The following NALF1 variants were observed in gnomAD, a reference collection of about 807,000 sequenced individuals.
The protein encoded by NALF1 is family with sequence similarity 155 member A.
A neutral mutation model predicts 48.4 loss-of-function variants in NALF1; 3 were observed. The observed-to-expected ratio is 0.06, with a 90% CI of 0.03 to 0.16. The LOEUF (loss-of-function observed/expected upper bound fraction) is 0.16. NALF1 is among the 10% of genes least tolerant of loss of function. The probability of loss-of-function intolerance (pLI) is 1.00; values close to 1 mark genes in which losing one functional copy is unlikely to be tolerated. For missense variants in NALF1, 526 were observed against 571.5 expected (o/e 0.92, Z 0.81); for synonymous variants, 262 against 245.7 (o/e 1.07, Z -0.62).
At chr13:107,218,693 C>T (rs1007278388) in intron 1 of NALF1, among the ~76,000 whole-genome samples, 5 of 152,190 alleles carry the variant, frequency 3.3e-5, no homozygotes, top group Admixed American at 2.6e-4. Context: ...ACCTCTCCTT[C>T]CAAAAAGACC....
At chr13:107,177,549 T>C (rs552522380) in intron 2 of NALF1, among the ~76,000 whole-genome samples, 2 of 151,862 alleles carry the variant, frequency 1.3e-5, no homozygotes, top group East Asian at 3.9e-4. Context: ...CAAAGACACA[T>C]AGACCAATGG....
At chr13:107,526,221 T>A (rs773049731) in intron 1 of NALF1, among the ~76,000 whole-genome samples, 3 of 152,138 alleles carry the variant, frequency 2.0e-5, no homozygotes, top group African/African-American at 7.2e-5. Context: ...CATGAGCATC[T>A]GTATGTTCAG....
intron 1 of NALF1, among the ~76,000 whole-genome samples, chr13:107,631,866 A>C (rs1879844329): frequency 6.6e-6 from 1 of 152,150 alleles, no homozygotes; most frequent in Non-Finnish European, 1.5e-5. Flanking sequence ...GAAAAACATC[A>C]GTTAAGCCAC....
chr13:107,327,568 G>T (rs1157161855), intron 1 of NALF1, among the ~76,000 whole-genome samples: 1 of 152,084 alleles, frequency 6.6e-6, no homozygotes, highest in East Asian at 1.9e-4. Flanking sequence ...CCTAGATATG[G>T]TAATTTATCT....
At chr13:107,186,444 G>A (rs1449809397) in intron 2 of NALF1, among the ~76,000 whole-genome samples, 2 of 152,032 alleles carry the variant, frequency 1.3e-5, no homozygotes, top group African/African-American at 2.4e-5. Context: ...CGCGGCTCAC[G>A]GCAACCTCTG....
At chr13:107,801,746 T>C (rs1201854934) in intron 1 of NALF1, among the ~76,000 whole-genome samples, 1 of 152,178 alleles carries the variant, frequency 6.6e-6, no homozygotes, top group African/African-American at 2.4e-5. Context: ...ATTTCAAAAA[T>C]GTTTCACCAG....
chr13:107,430,323 G>A lies in NALF1; in HGVS notation c.916-219568C>T, dbSNP rs191513649. 8.5e-4 allele frequency among the ~76,000 whole-genome samples: 129 copies of A among 151,188 alleles called. 1 individual carries two copies. The highest frequency in any genetic ancestry group is 6.8e-3 in the Middle Eastern group (2 of 294). Reference sequence around the variant, plus strand: ...TTATTATTATACTTTAAGTTTTAGCGTACATGTGCACAACATGCAGGTTTG... The same window carrying A: ...TTATTATTATACTTTAAGTTTTAGCATACATGTGCACAACATGCAGGTTTG... On this transcript the variant is annotated intron_variant, in intron 1 of 2. Coordinates refer to ENST00000375915, the MANE Select transcript of NALF1 (RefSeq NM_001080396.3).
intron 1 of NALF1, among the ~76,000 whole-genome samples, chr13:107,286,601 A>AG (rs199721737): frequency 0.096 from 14,050 of 146,882 alleles, 867 homozygotes; most frequent in East Asian, 0.3. Flanking sequence ...AAAAAAAAAA[A>AG]AAAGAAAGAA....
intron 2 of NALF1, among the ~76,000 whole-genome samples, chr13:107,179,044 AAG>A: frequency 6.6e-6 from 1 of 152,302 alleles, no homozygotes; most frequent in East Asian, 1.9e-4. Context: ...CAGGATACGG[AAG>A]AGATACCTGC....
chr13:107,272,083 G>A (rs999466981), intron 1 of NALF1, among the ~76,000 whole-genome samples: 2 of 151,182 alleles, frequency 1.3e-5, no homozygotes, highest in Admixed American at 6.6e-5. Flanking sequence ...GCAAAGACAT[G>A]AATGTCTCAA....
chr13:107,283,521 C>G (rs1881429458), intron 1 of NALF1, among the ~76,000 whole-genome samples: 1 of 152,106 alleles, frequency 6.6e-6, no homozygotes, highest in Non-Finnish European at 1.5e-5. Context: ...CTTGCCTCAC[C>G]TGCTCCCTGG....
rs10631309 is a variant in NALF1, at chr13:107,565,384, C to CA, written c.915+300297dup. Among the ~76,000 whole-genome samples the CA allele has an allele frequency of 8.4e-3, 1,005 of 119,452 alleles. 43 individuals carry two copies. The highest frequency in any genetic ancestry group is 0.025 in the African/African-American group (766 of 30,754). 78.4% of individuals were successfully genotyped at this position (119,452 alleles called of 152,430 possible). A position where few individuals can be genotyped will look rare whatever the true frequency, so the allele number is the denominator to read the frequency against. On this transcript the variant is annotated intron_variant, in intron 1 of 2. Transcript: ENST00000375915. ...TGGGTGGCAGAGCGAGACCTTATCTCAAAAAAAAAAAAAAAAGTAAAAAAG... is the reference window on the plus strand; with the variant it reads ...TGGGTGGCAGAGCGAGACCTTATCTCAAAAAAAAAAAAAAAAAGTAAAAAAG...
chr13:107,302,420 T>C (rs879346105), intron 1 of NALF1, among the ~76,000 whole-genome samples: 1 of 152,186 alleles, frequency 6.6e-6, no homozygotes, highest in African/African-American at 2.4e-5. Flanking sequence ...GGCCTAGCAG[T>C]GAGCCCTTCA....
chr13:107,393,213 G>C (rs1052489449), intron 1 of NALF1, among the ~76,000 whole-genome samples: 2 of 152,036 alleles, frequency 1.3e-5, no homozygotes, highest in African/African-American at 4.8e-5. Flanking sequence ...AGAGTTACAG[G>C]AGAAAGAAGA....
intron 1 of NALF1, among the ~76,000 whole-genome samples, chr13:107,820,938 T>C (rs971327315): frequency 2.6e-5 from 4 of 152,172 alleles, no homozygotes; most frequent in African/African-American, 9.7e-5. Context: ...CTCATATATG[T>C]GGACAAAATG....
At chr13:107,268,702 T>G (rs1462918622) in intron 1 of NALF1, among the ~76,000 whole-genome samples, 2 of 152,186 alleles carry the variant, frequency 1.3e-5, no homozygotes, top group Non-Finnish European at 2.9e-5. Context: ...AAGTCATATT[T>G]AAGCTAAGAC....
chr13:107,246,170 A>G (rs551394775), intron 1 of NALF1, among the ~76,000 whole-genome samples: 564 of 152,240 alleles, frequency 3.7e-3, no homozygotes, highest in South Asian at 0.014. Flanking sequence ...GGTAAATATA[A>G]AATATTTTCT....
intron 2 of NALF1, among the ~76,000 whole-genome samples, chr13:107,173,346 A>G (rs1350599322): frequency 6.6e-6 from 1 of 152,228 alleles, no homozygotes; most frequent in Non-Finnish European, 1.5e-5. Context: ...TTCCATTTAC[A>G]GTATAAGGAT....
In NALF1 at chr13:107,476,055, G is replaced by A. The variant is rs554938100; in HGVS notation, c.916-265300C>T. Among the ~76,000 whole-genome samples, 6 of 152,244 alleles carry A rather than the reference G, an allele frequency of 3.9e-5. No individual in the cohort carries two copies. In the South Asian group the frequency reaches 1.2e-3, roughly 32 times the overall value. On this transcript the variant is annotated intron_variant, in intron 1 of 2. Transcript: ENST00000375915. ...GGTATGTAAACATCTATATTCTTTT[G>A]AGAAATGTATCAGTACTTGGGTGAC...
Sources: gnomAD v4.1 joint callset for allele counts (sites outside exome capture counted in the v4.1 genomes callset) on GRCh38, gnomAD v4.1.1 for gene constraint, MANE v1.5 for transcripts, NCBI Gene and HGNC (gene_info 2026-07-23, HGNC 2026-07-21) for gene names.